Variants in ZBTB20 observed in about 807,000 individuals in gnomAD.
The protein encoded by ZBTB20 is zinc finger and BTB domain-containing protein 20.
In ZBTB20, 9 loss-of-function variants were observed where a neutral mutation model predicts 56.9. The ratio of observed to expected loss-of-function variants is 0.16; its 90% confidence interval spans 0.10 to 0.28. The LOEUF (loss-of-function observed/expected upper bound fraction) is 0.28, where lower values mean the gene tolerates loss of function less well. Ranked by LOEUF, ZBTB20 falls within the 10% of genes least tolerant of loss-of-function variation. The pLI is 1.00. For missense variants in ZBTB20, 655 were observed against 1,003.0 expected (o/e 0.65, Z 4.69); for synonymous variants, 417 against 420.7 (o/e 0.99, Z 0.11).
chr3:114,597,650 T>C (rs1233802207), intron 6 of ZBTB20, among the ~76,000 whole-genome samples: 2 of 152,164 alleles, frequency 1.3e-5, no homozygotes, highest in Non-Finnish European at 2.9e-5. Flanking sequence ...AGTTTTCTGT[T>C]TTGGTTTTTA....
intron 5 of ZBTB20, among the ~76,000 whole-genome samples, chr3:114,771,997 T>G (rs2069243567): frequency 6.6e-6 from 1 of 152,178 alleles, no homozygotes. Context: ...GGTCACACTC[T>G]CTTAGATACC....
At chr3:114,843,568 T>G (rs1404775438) in intron 4 of ZBTB20, among the ~76,000 whole-genome samples, 2 of 152,210 alleles carry the variant, frequency 1.3e-5, no homozygotes, top group Non-Finnish European at 2.9e-5. Context: ...GGTGTTTCAC[T>G]ATGTTGCCCA....
intron 2 of ZBTB20, among the ~76,000 whole-genome samples, chr3:114,982,378 C>T (rs1034264608): frequency 2.0e-5 from 3 of 151,990 alleles, no homozygotes; most frequent in Non-Finnish European, 4.4e-5. Flanking sequence ...GCCAAATTTG[C>T]AGTATGACTA....
At chr3:114,355,450 C>A in intron 10 of ZBTB20, among the ~76,000 whole-genome samples, 1 of 152,202 alleles carries the variant, frequency 6.6e-6, no homozygotes, top group East Asian at 1.9e-4. Flanking sequence ...AAAGCTGAAT[C>A]GTTTTTGCTG....
At chr3:114,667,091 T>C (rs755464096) in intron 6 of ZBTB20, among the ~76,000 whole-genome samples, 1 of 151,984 alleles carries the variant, frequency 6.6e-6, no homozygotes, top group Non-Finnish European at 1.5e-5. Context: ...TCGTGCCCCT[T>C]AACCCATCTA....
intron 2 of ZBTB20, among the ~76,000 whole-genome samples, chr3:114,992,564 G>C (rs367716557): frequency 1.3e-5 from 2 of 151,886 alleles, no homozygotes; most frequent in Admixed American, 6.6e-5. Flanking sequence ...TGAACTCTTG[G>C]TGTCCCCCTA....
chr3:114,598,938 T>C (rs908052025), intron 6 of ZBTB20, among the ~76,000 whole-genome samples: 17 of 152,160 alleles, frequency 1.1e-4, no homozygotes, highest in Non-Finnish European at 2.1e-4. Context: ...TTGTACAGTG[T>C]AAGTAAGAAA....
At chr3:114,780,646 C>T (rs2070016280) in intron 5 of ZBTB20, among the ~76,000 whole-genome samples, 1 of 152,130 alleles carries the variant, frequency 6.6e-6, no homozygotes, top group Admixed American at 6.5e-5. Context: ...CACCACCATG[C>T]CCAGCTAATT....
In ZBTB20 at chr3:114,636,797, T is replaced by C. The variant is rs952107859; in HGVS notation, c.-295+56731A>G. On this transcript the variant is annotated intron_variant, in intron 6 of 11. Coordinates refer to ENST00000675478, the MANE Select transcript of ZBTB20 (RefSeq NM_001348800.3). ...CCAGACAATAATTTAAAAATGGCAG[T>C]AATAAGTTCTCACCTATTAATAATT... 2.0e-5 allele frequency among the ~76,000 whole-genome samples: 3 copies of C among 152,042 alleles called. No individual in the cohort carries two copies. The East Asian group carries it at 5.8e-4, about 29-fold the overall frequency.
At chr3:115,042,056 G>A (rs796553868) in intron 2 of ZBTB20, among the ~76,000 whole-genome samples, 31 of 151,960 alleles carry the variant, frequency 2.0e-4, no homozygotes, top group African/African-American at 7.5e-4. Context: ...CATCGTTTTT[G>A]TTGTTGTTGA....
At chr3:114,378,829 G>C (rs1183392908) in intron 10 of ZBTB20, 1 of 152,284 alleles carries the variant, frequency 6.6e-6, no homozygotes, top group East Asian at 1.9e-4. Flanking sequence ...GAAGGTCCAA[G>C]GATGTGACTA....
At chr3:115,129,889 C>T (rs2084451955) in intron 1 of ZBTB20, among the ~76,000 whole-genome samples, 1 of 152,210 alleles carries the variant, frequency 6.6e-6, no homozygotes, top group Non-Finnish European at 1.5e-5. Context: ...ATGCATTCCA[C>T]TCTTCTATCT....
At chr3:114,461,296 T>TCCCCC (rs55841623) in intron 7 of ZBTB20, among the ~76,000 whole-genome samples, 1 of 128,776 alleles carries the variant, frequency 7.8e-6, no homozygotes, top group East Asian at 2.3e-4. Context: ...AACAATCTCC[T>TCCCCC]CCCCCCCCCC....
chr3:114,534,108 A>G (rs778564300), intron 6 of ZBTB20, among the ~76,000 whole-genome samples: 1 of 152,232 alleles, frequency 6.6e-6, no homozygotes, highest in Non-Finnish European at 1.5e-5. Flanking sequence ...AGCTAGCATC[A>G]TAATGACAGG....
intron 7 of ZBTB20, among the ~76,000 whole-genome samples, chr3:114,495,698 GA>G (rs968011437): frequency 1.4e-5 from 2 of 148,020 alleles, no homozygotes; most frequent in Admixed American, 6.7e-5. Flanking sequence ...TCAAAAGATT[GA>G]AAAAAAAATA....
intron 2 of ZBTB20, among the ~76,000 whole-genome samples, chr3:115,000,162 T>C (rs1196044967): frequency 1.3e-5 from 2 of 151,638 alleles, no homozygotes; most frequent in Non-Finnish European, 3.0e-5. Context: ...ATAGTTGCTC[T>C]AAAGTGCTTA....
chr3:114,484,568 A>C (rs1311529318), intron 7 of ZBTB20, among the ~76,000 whole-genome samples: 3 of 152,180 alleles, frequency 2.0e-5, no homozygotes, highest in African/African-American at 7.2e-5. Flanking sequence ...TTCATTACTG[A>C]TACATACATT....
intron 4 of ZBTB20, among the ~76,000 whole-genome samples, chr3:114,897,590 G>T (rs2074935956): frequency 1.3e-5 from 2 of 152,028 alleles, no homozygotes; most frequent in Admixed American, 1.3e-4. Context: ...TATCTGTCTA[G>T]TTTAATGATT....
rs1264507138 is a variant in ZBTB20 at position 114,947,128 on chromosome 3, A to C, written c.-456+27238T>G. On this transcript the variant is annotated intron_variant, in intron 3 of 11. Transcript: ENST00000675478. ...TGAGAGATCATCTCAGACTACTCAG[A>C]ACAGCTATTACTTAAAAAGACCAAA... Among the ~76,000 whole-genome samples the C allele has an allele frequency of 1.4e-4, 21 of 146,168 alleles. 1 individual carries two copies. Among genetic ancestry groups the C allele is most frequent in the Admixed American group, 1.4e-3 (21 of 15,120 alleles).
Sources: gnomAD v4.1 joint callset for allele counts (sites outside exome capture counted in the v4.1 genomes callset) on GRCh38, gnomAD v4.1.1 for gene constraint, MANE v1.5 for transcripts, NCBI Gene and HGNC (gene_info 2026-07-23, HGNC 2026-07-21) for gene names.